The following RPSA2 variants were observed in gnomAD, a reference collection of about 807,000 sequenced individuals.
RPSA2 encodes small ribosomal subunit protein uS2B.
At chr19:23,826,187 T>G in the RPSA2 span, among the ~76,000 whole-genome samples, 2 of 150,498 alleles carry the variant, frequency 1.3e-5, no homozygotes, top group Middle Eastern at 3.4e-3. Flanking sequence ...AATTTTTTCT[T>G]TTTTTCTTTT....
At chr19:23,840,996 T>G in the RPSA2 span, among the ~76,000 whole-genome samples, 4 of 149,592 alleles carry the variant, frequency 2.7e-5, no homozygotes, top group Admixed American at 2.0e-4. Context: ...AGACAAAACA[T>G]GGACATCGTA....
the RPSA2 span, among the ~76,000 whole-genome samples, chr19:23,857,139 TAATATC>T: frequency 6.6e-6 from 1 of 152,178 alleles, no homozygotes; most frequent in African/African-American, 2.4e-5. Context: ...CCTAGAGTAT[TAATATC>T]AATATTCCTT....
the RPSA2 span, among the ~76,000 whole-genome samples, chr19:23,787,534 G>A: frequency 1.3e-5 from 2 of 152,020 alleles, no homozygotes; most frequent in Non-Finnish European, 2.9e-5. Flanking sequence ...GGTTGAATTC[G>A]GGAGGTGGAG....
the RPSA2 span, among the ~76,000 whole-genome samples, chr19:23,828,573 T>C: frequency 6.8e-6 from 1 of 147,314 alleles, no homozygotes; most frequent in African/African-American, 2.5e-5. Flanking sequence ...TTTTTTTTGC[T>C]TTTATCGTTG....
chr19:23,838,979 C>CT, the RPSA2 span, among the ~76,000 whole-genome samples: 23 of 151,642 alleles, frequency 1.5e-4, no homozygotes, highest in Non-Finnish European at 2.9e-4. Context: ...TGATTATTTC[C>CT]TTTTTTTTCT....
the RPSA2 span, among the ~76,000 whole-genome samples, chr19:23,829,919 G>A: frequency 6.6e-6 from 1 of 151,950 alleles, no homozygotes; most frequent in African/African-American, 2.4e-5. Flanking sequence ...AGAAAATAAT[G>A]TATTTTTATA....
chr19:23,852,167 C>A, the RPSA2 span, among the ~76,000 whole-genome samples: 1 of 152,148 alleles, frequency 6.6e-6, no homozygotes, highest in African/African-American at 2.4e-5. Flanking sequence ...ATTGCAGTTC[C>A]AATGAAGCCT....
the RPSA2 span, among the ~76,000 whole-genome samples, chr19:23,865,815 C>T: frequency 6.6e-6 from 1 of 152,166 alleles, no homozygotes; most frequent in Non-Finnish European, 1.5e-5. Context: ...TGAACACACT[C>T]TTGTAGAGTT....
At chr19:23,766,574 CCTTCCG>C in the RPSA2 span, among the ~76,000 whole-genome samples, 1 of 151,440 alleles carries the variant, frequency 6.6e-6, no homozygotes, top group African/African-American at 2.4e-5. Context: ...CCTGCCTCAG[CCTTCCG>C]AGTAGCTGGG....
the RPSA2 span, among the ~76,000 whole-genome samples, chr19:23,815,691 T>C: frequency 6.6e-6 from 1 of 152,176 alleles, no homozygotes; most frequent in Non-Finnish European, 1.5e-5. Context: ...GTCTAGGCTT[T>C]GTTTTCTTGT....
At chr19:23,804,231 A>G in the RPSA2 span, among the ~76,000 whole-genome samples, 1 of 152,164 alleles carries the variant, frequency 6.6e-6, no homozygotes, top group Non-Finnish European at 1.5e-5. Flanking sequence ...CATTTGTATC[A>G]AAAGTATTTG....
chr19:23,832,147 G>A, the RPSA2 span: 2 of 418,472 alleles, frequency 4.8e-6, no homozygotes, highest in Non-Finnish European at 9.6e-6. Context: ...CAGATGTGAA[G>A]AATGTGGCAA....
chr19:23,841,259 T>C, the RPSA2 span, among the ~76,000 whole-genome samples: 1 of 152,062 alleles, frequency 6.6e-6, no homozygotes, highest in African/African-American at 2.4e-5. Flanking sequence ...GGTCAGGAGA[T>C]CGAGACCATC....
At chr19:23,787,938 T>C in the RPSA2 span, among the ~76,000 whole-genome samples, 148,936 of 152,264 alleles carry the variant, frequency 0.98, 72,933 homozygotes, top group Middle Eastern at 1. Context: ...TTTATCTTCG[T>C]TTTGTCCGTA....
chr19:23,840,791 C>G, the RPSA2 span, among the ~76,000 whole-genome samples: 2 of 93,724 alleles, frequency 2.1e-5, no homozygotes, highest in East Asian at 6.5e-4. Flanking sequence ...AACCCCATCT[C>G]TACTAAAATA....
the RPSA2 span, chr19:23,799,283 G>A: frequency 1.3e-5 from 2 of 152,116 alleles, no homozygotes; most frequent in South Asian, 2.1e-4. Context: ...AGCCCTATTA[G>A]TATCCCATAA....
At chr19:23,820,821 G>C in the RPSA2 span, among the ~76,000 whole-genome samples, 11 of 152,184 alleles carry the variant, frequency 7.2e-5, no homozygotes, top group East Asian at 2.1e-3. Flanking sequence ...TGAAGTTTCT[G>C]TGGGCAGAGA....
chr19:23,815,779 T>G, the RPSA2 span, among the ~76,000 whole-genome samples: 1 of 152,212 alleles, frequency 6.6e-6, no homozygotes, highest in Non-Finnish European at 1.5e-5. Context: ...ATGTATTTCT[T>G]GCTTTACTTT....
At chr19:23,793,048 G>C in the RPSA2 span, among the ~76,000 whole-genome samples, 7 of 152,130 alleles carry the variant, frequency 4.6e-5, no homozygotes, top group African/African-American at 1.4e-4. Context: ...TGTGGGAAGA[G>C]AATAAACCTA....
Sources: allele counts gnomAD v4.1 joint callset (sites outside exome capture counted in the v4.1 genomes callset), GRCh38; gene constraint gnomAD v4.1.1; transcripts MANE v1.5; gene names NCBI Gene and HGNC (gene_info 2026-07-23, HGNC 2026-07-21).